Variants in SGCG observed in about 807,000 individuals in gnomAD.
SGCG encodes gamma-sarcoglycan.
Under a neutral mutation model 29.3 loss-of-function variants are expected in SGCG, and 26 were observed. That is an observed-to-expected ratio of 0.89 (90% confidence interval 0.65 to 1.23). SGCG has a LOEUF of 1.23. Ranked by LOEUF, SGCG falls within the 50% of genes most tolerant of loss-of-function variation. The pLI is 0.00. For synonymous variants in SGCG, 145 were observed against 129.7 expected (o/e 1.12, Z -0.80); for missense variants, 353 against 356.0 (o/e 0.99, Z 0.07).
At chr13:23,252,456 C>T (rs893411556) in intron 4 of SGCG, among the ~76,000 whole-genome samples, 1 of 152,092 alleles carries the variant, frequency 6.6e-6, no homozygotes, top group South Asian at 2.1e-4. Context: ...CTTTGGGAGG[C>T]CGAGGTGGGT....
At chr13:23,168,644 A>C in the SGCG span, among the ~76,000 whole-genome samples, 1 of 152,210 alleles carries the variant, frequency 6.6e-6, no homozygotes, top group Admixed American at 6.5e-5. Flanking sequence ...AGTTACTTAA[A>C]AATCTATTAC....
At chr13:23,234,010 C>G (rs1469899261) in intron 2 of SGCG, among the ~76,000 whole-genome samples, 1 of 152,216 alleles carries the variant, frequency 6.6e-6, no homozygotes, top group Non-Finnish European at 1.5e-5. Flanking sequence ...TTTAACAGCA[C>G]AGCGGTCATT....
At position 23,308,979 on chromosome 13, in the gene SGCG, C is replaced by G. The variant is rs1882455858; in HGVS notation, c.579-11658C>G. 1.3e-5 allele frequency among the ~76,000 whole-genome samples: 2 copies of G among 151,938 alleles called. 1 individual carries two copies. Reference sequence around the variant, plus strand: ...CTTTATAATCGTGAAGTCTCTTGTCCATAAATATGGTATATCTCTCTATTC... The same window carrying G: ...CTTTATAATCGTGAAGTCTCTTGTCGATAAATATGGTATATCTCTCTATTC... On this transcript the variant is annotated intron_variant, in intron 6 of 7. Transcript: ENST00000218867.
chr13:23,208,187 T>C (rs1239681312), intron 2 of SGCG, among the ~76,000 whole-genome samples: 1 of 152,158 alleles, frequency 6.6e-6, no homozygotes. Flanking sequence ...GTAATTGCTT[T>C]TCTATCATGC....
At chr13:23,317,305 A>C (rs1225252997) in intron 6 of SGCG, among the ~76,000 whole-genome samples, 2 of 152,220 alleles carry the variant, frequency 1.3e-5, no homozygotes, top group African/African-American at 4.8e-5. Context: ...CCTGTGATTA[A>C]GGTCAATGGG....
chr13:23,234,320 A>AT lies in SGCG; in HGVS notation c.196-283dup, dbSNP rs199761571. On this transcript the variant is annotated intron_variant, in intron 2 of 7. Coordinates refer to ENST00000218867, the MANE Select transcript of SGCG (RefSeq NM_000231.3). ...ATTAATTTTATTGTACCTTAATTTA[A>AT]TTTTTTTTAAAAAAATGGATTCTTT... Among the ~76,000 whole-genome samples, 1,114 of 152,000 alleles carry AT rather than the reference A, an allele frequency of 7.3e-3. 10 individuals carry two copies. The highest frequency in any genetic ancestry group is 8.6e-3 in the Non-Finnish European group (586 of 67,946).
intron 2 of SGCG, among the ~76,000 whole-genome samples, chr13:23,233,594 A>G (rs1054703406): frequency 7.9e-5 from 12 of 152,120 alleles, no homozygotes; most frequent in Non-Finnish European, 1.0e-4. Flanking sequence ...AGTTCTAGAG[A>G]TGATTGGTGG....
intron 1 of SGCG, among the ~76,000 whole-genome samples, chr13:23,182,467 C>T (rs956215506): frequency 6.6e-6 from 1 of 152,122 alleles, no homozygotes; most frequent in East Asian, 1.9e-4. Flanking sequence ...CTCTCCCTCC[C>T]TCCCTCCCCT....
intron 4 of SGCG, among the ~76,000 whole-genome samples, chr13:23,252,413 C>T (rs535018463): frequency 2.8e-4 from 42 of 152,168 alleles, no homozygotes; most frequent in Non-Finnish European, 4.0e-4. Flanking sequence ...AATTAGCGGC[C>T]GGGCACGGTG....
intron 1 of SGCG, among the ~76,000 whole-genome samples, chr13:23,194,571 G>A (rs1214059891): frequency 6.6e-6 from 1 of 152,202 alleles, no homozygotes; most frequent in Non-Finnish European, 1.5e-5. Flanking sequence ...GCAGTGCAGT[G>A]TTAGGTCCAT....
chr13:23,290,247 C>G (rs1212427486), intron 5 of SGCG, among the ~76,000 whole-genome samples: 1 of 152,162 alleles, frequency 6.6e-6, no homozygotes, highest in Non-Finnish European at 1.5e-5. Context: ...AAGTGCATGT[C>G]ATGTCAGCTA....
At chr13:23,289,757 T>G (rs941087960) in intron 5 of SGCG, among the ~76,000 whole-genome samples, 1 of 152,168 alleles carries the variant, frequency 6.6e-6, no homozygotes, top group Non-Finnish European at 1.5e-5. Flanking sequence ...GGAGATAGAG[T>G]GGGACCAGAT....
chr13:23,250,330 G>A (rs1879912452), intron 3 of SGCG, among the ~76,000 whole-genome samples: 1 of 152,082 alleles, frequency 6.6e-6, no homozygotes, highest in African/African-American at 2.4e-5. Context: ...ACATAGCTGT[G>A]ACCATATAGC....
intron 2 of SGCG, among the ~76,000 whole-genome samples, chr13:23,211,572 G>A (rs558983154): frequency 6.6e-6 from 1 of 152,216 alleles, no homozygotes; most frequent in African/African-American, 2.4e-5. Flanking sequence ...CTGCCTGTGG[G>A]AATTGGGAAG....
chr13:23,251,246 A>G (rs1313600045), intron 4 of SGCG, among the ~76,000 whole-genome samples: 1 of 152,234 alleles, frequency 6.6e-6, no homozygotes, highest in East Asian at 1.9e-4. Context: ...GTAGTTATCA[A>G]CATCAAACAG....
chr13:23,295,424 G>A lies in SGCG; in HGVS notation c.515G>A (p.Gly172Glu), dbSNP rs769313305. 5 of 1,613,508 alleles carry A rather than the reference G, an allele frequency of 3.1e-6. No homozygotes were observed. The highest frequency in any genetic ancestry group is 4.2e-6 in the Non-Finnish European group (5 of 1,179,562). Residue 172 changes from glycine (G) to glutamate (E), a missense_variant, in exon 6 of 8, where the codon GGG becomes GAG. Physicochemically the swap from Gly to Glu is moderately conservative, Grantham distance 98. Transcript: ENST00000218867. Reference protein sequence around the residue: ...TDKLRVTGPEGALFEHSVETP... With the variant: ...TDKLRVTGPEEALFEHSVETP... ...TTTGTTTTTTGTTTAGGGCCTGAAGGGGCTCTTTTTGAACATTCAGTGGAG... is the reference window on the plus strand; with the variant it reads ...TTTGTTTTTTGTTTAGGGCCTGAAGAGGCTCTTTTTGAACATTCAGTGGAG...
intron 5 of SGCG, among the ~76,000 whole-genome samples, chr13:23,282,711 G>T (rs955957310): frequency 8.3e-6 from 1 of 120,566 alleles, no homozygotes; most frequent in African/African-American, 2.6e-5. Context: ...TCTTTATCCA[G>T]TCTGTTACTG....
the SGCG span, among the ~76,000 whole-genome samples, chr13:23,172,206 C>CT: frequency 6.6e-6 from 1 of 152,148 alleles, no homozygotes; most frequent in Non-Finnish European, 1.5e-5. Flanking sequence ...CCAATAAGCT[C>CT]TAAGAATATG....
At chr13:23,321,600 G>C (rs557428587) in intron 7 of SGCG, among the ~76,000 whole-genome samples, 25 of 152,196 alleles carry the variant, frequency 1.6e-4, no homozygotes, top group Non-Finnish European at 3.5e-4. Context: ...CACGGGCTGG[G>C]AGCGTAGACA....
Sources: gnomAD v4.1 joint callset for allele counts (sites outside exome capture counted in the v4.1 genomes callset) on GRCh38, gnomAD v4.1.1 for gene constraint, MANE v1.5 for transcripts, NCBI Gene and HGNC (gene_info 2026-07-23, HGNC 2026-07-21) for gene names.